RBM26: variants seen among roughly 807,000 people sequenced by gnomAD.
RBM26 encodes RNA-binding protein 26.
Under a neutral mutation model 123.6 loss-of-function variants are expected in RBM26, and 30 were observed. The observed-to-expected ratio is 0.24, with a 90% CI of 0.18 to 0.33. The LOEUF is 0.33. Ranked by LOEUF, RBM26 falls within the 10% of genes least tolerant of loss-of-function variation. RBM26 has a pLI of 1.00. For synonymous variants in RBM26, 400 were observed against 404.4 expected (o/e 0.99, Z 0.13); for missense variants, 947 against 1,203.6 (o/e 0.79, Z 3.15).
chr13:79,377,198 G>T, intron 3 of RBM26, 181 bp downstream of exon 3: 1 of 508,146 alleles, frequency 2.0e-6, no homozygotes. Flanking sequence ...TCCTTTTGCT[G>T]AAATAAGCCA....
At chr13:79,377,242 G>T in intron 3 of RBM26, 137 bp downstream of exon 3, 1 of 664,790 alleles carries the variant, frequency 1.5e-6, no homozygotes, top group Non-Finnish European at 2.6e-6. Flanking sequence ...AGAGTCCTAT[G>T]AGTCCTCCTA....
rs534968670 is a variant in RBM26, at chr13:79,344,157, G to A, written c.2259+91C>T. The A allele has an allele frequency of 1.4e-5, 12 of 835,816 alleles. No individual in the cohort carries two copies. In the African/African-American group the frequency reaches 1.8e-4, roughly 13 times the overall value. The allele number at this position is 835,816 out of a possible 1,614,324, so 51.8% of individuals were successfully genotyped here. On this transcript the variant is annotated intron_variant, in intron 16 of 21. Transcript: ENST00000438737. ...ATTTGTTTTACCATTACCAATTATA[G>A]TAAATCTTTTTATGACTAGGTAGCA...
intron 3 of RBM26, among the ~76,000 whole-genome samples, chr13:79,372,961 A>G (rs866996100): frequency 5.7e-5 from 1 of 17,434 alleles, no homozygotes; most frequent in African/African-American, 2.5e-4. Flanking sequence ...CATATTTTAT[A>G]TAATATATAA....
intron 14 of RBM26, 54 bp downstream of exon 14, chr13:79,353,098 GC>G (rs1328133477): frequency 1.4e-5 from 14 of 1,012,556 alleles, no homozygotes; most frequent in Admixed American, 2.7e-5. Flanking sequence ...AAATTAAGAT[GC>G]CACCTGAAAA....
intron 14 of RBM26, 139 bp from the exon 15 acceptor site, chr13:79,344,933 A>G (rs937099229): frequency 2.8e-6 from 2 of 719,142 alleles, no homozygotes; most frequent in African/African-American, 1.9e-5. Context: ...TATACTTATA[A>G]TAACGAAATC....
At position 79,334,440 on chromosome 13, in the gene RBM26, A is replaced by G; in HGVS notation, c.2734-10T>C. Reference sequence around the variant, plus strand: ...CAATTTCACCATATTGCTTTAAATTAAAAAAAAAGTATTTCCTCCAAATAA... The same window carrying G: ...CAATTTCACCATATTGCTTTAAATTGAAAAAAAAGTATTTCCTCCAAATAA... On this transcript the variant is annotated splice_polypyrimidine_tract_variant and intron_variant, in intron 19 of 21. Coordinates refer to ENST00000438737, the MANE Select transcript of RBM26 (RefSeq NM_001366735.2). 8.1e-7 allele frequency: 1 copy of G among 1,237,174 alleles called. No individual in the cohort carries two copies. Among genetic ancestry groups the G allele is most frequent in the South Asian group, 1.5e-5 (1 of 66,170 alleles). The allele number at this position is 1,237,174 out of a possible 1,614,324, so 76.6% of individuals were successfully genotyped here. A position where few individuals can be genotyped will look rare whatever the true frequency, so the allele number is the denominator to read the frequency against.
At chr13:79,401,437 C>T (rs571001493) in intron 1 of RBM26, among the ~76,000 whole-genome samples, 2 of 152,216 alleles carry the variant, frequency 1.3e-5, no homozygotes, top group East Asian at 3.9e-4. Flanking sequence ...AGTCAAAAAG[C>T]CTTAGTTTAA....
chr13:79,403,997 TTCCC>T (rs1045020004), intron 1 of RBM26, among the ~76,000 whole-genome samples: 2 of 151,206 alleles, frequency 1.3e-5, no homozygotes, highest in African/African-American at 4.9e-5. Flanking sequence ...CCCTCTTCTC[TTCCC>T]TACCTACACA....
chr13:79,401,512 T>G (rs1332587199), intron 1 of RBM26, among the ~76,000 whole-genome samples: 5 of 152,178 alleles, frequency 3.3e-5, no homozygotes, highest in East Asian at 1.9e-4. Context: ...AATGGAGAGA[T>G]AACAATGCTT....
intron 14 of RBM26, among the ~76,000 whole-genome samples, chr13:79,347,385 T>TATTTTGCA: frequency 6.6e-6 from 1 of 152,188 alleles, no homozygotes; most frequent in East Asian, 1.9e-4. Flanking sequence ...AAATGTGACT[T>TATTTTGCA]ATAAACAATG....
At chr13:79,377,888 A>T (rs1180867270) in intron 2 of RBM26, among the ~76,000 whole-genome samples, 4 of 151,892 alleles carry the variant, frequency 2.6e-5, no homozygotes, top group African/African-American at 9.7e-5. Flanking sequence ...AGATCACGCC[A>T]TTGCACTCCC....
chr13:79,334,589 G>A (rs930142783), intron 19 of RBM26, among the ~76,000 whole-genome samples, 159 bp from the exon 20 acceptor site: 5 of 152,028 alleles, frequency 3.3e-5, no homozygotes, highest in African/African-American at 1.2e-4. Context: ...ATTTATTTTA[G>A]TACTTGATAA....
chr13:79,338,963 G>C (rs1278895021), intron 18 of RBM26, among the ~76,000 whole-genome samples: 1 of 152,144 alleles, frequency 6.6e-6, no homozygotes, highest in Admixed American at 6.5e-5. Context: ...TGGGGTGTAG[G>C]AGCAAGATAA....
At chr13:79,360,213 T>C (rs1022830565) in intron 9 of RBM26, among the ~76,000 whole-genome samples, 1 of 152,086 alleles carries the variant, frequency 6.6e-6, no homozygotes, top group East Asian at 1.9e-4. Context: ...CAGGTGTGAC[T>C]GTATAGGAAA....
intron 1 of RBM26, among the ~76,000 whole-genome samples, chr13:79,401,338 T>C (rs1051709330): frequency 2.0e-5 from 3 of 152,178 alleles, no homozygotes; most frequent in African/African-American, 7.2e-5. Flanking sequence ...ACTATCAAAA[T>C]GTCATAGTAA....
At chr13:79,312,007 T>C (rs149355531) in exon 5 of RBM26, 1 of 152,154 alleles carries the variant, frequency 6.6e-6, no homozygotes, top group East Asian at 1.9e-4. Context: ...TTTTATCTTT[T>C]TTCAGTTCAA....
At chr13:79,340,320 T>C (rs2071161714) in intron 18 of RBM26, among the ~76,000 whole-genome samples, 1 of 152,044 alleles carries the variant, frequency 6.6e-6, no homozygotes. Context: ...AGCTACTAAA[T>C]GTTAAGTCTT....
At chr13:79,355,857 CA>C (rs5805026) in intron 11 of RBM26, among the ~76,000 whole-genome samples, 76,656 of 151,024 alleles carry the variant, frequency 0.51, 19,754 homozygotes, top group Middle Eastern at 0.6. Context: ...AATTTAAGAA[CA>C]AAAAAAAAGA....
intron 10 of RBM26, 89 bp from the exon 11 acceptor site, chr13:79,358,522 C>A: frequency 1.0e-6 from 1 of 971,342 alleles, no homozygotes; most frequent in Non-Finnish European, 1.5e-6. Flanking sequence ...AATAGATATC[C>A]AATTAAGTTC....
Sources: gnomAD v4.1 joint callset for allele counts (sites outside exome capture counted in the v4.1 genomes callset) on GRCh38, gnomAD v4.1.1 for gene constraint, MANE v1.5 for transcripts, NCBI Gene and HGNC (gene_info 2026-07-23, HGNC 2026-07-21) for gene names.